MRC1: variants seen among roughly 807,000 people sequenced by gnomAD.
MRC1 encodes the protein macrophage mannose receptor 1.
MRC1 carries 62 observed loss-of-function variants against 102.9 expected under a neutral mutation model. That is an observed-to-expected ratio of 0.60 (90% CI 0.49 to 0.74). MRC1 has a LOEUF of 0.74. Ranked by LOEUF, MRC1 falls within the 30% of genes least tolerant of loss-of-function variation. MRC1 has a pLI of 0.00. For synonymous variants in MRC1, 457 were observed against 298.4 expected, an observed-to-expected ratio of 1.53 and a Z score of -5.48; for missense variants, 1,237 against 862.8, an observed-to-expected ratio of 1.43 and a Z score of -5.43.
At chr10:17,849,336 A>T (rs1324992674) in intron 6 of MRC1, among the ~76,000 whole-genome samples, 15 of 151,050 alleles carry the variant, frequency 9.9e-5, no homozygotes, top group Non-Finnish European at 2.1e-4. Flanking sequence ...AAGAAAGTTG[A>T]TAAGGTGATT....
At chr10:17,835,895 G>A (rs1269469160) in intron 4 of MRC1, among the ~76,000 whole-genome samples, 2 of 152,214 alleles carry the variant, frequency 1.3e-5, no homozygotes, top group Admixed American at 6.5e-5. Flanking sequence ...ACTCCTGGGT[G>A]ATTCTGGGGC....
chr10:17,889,727 A>G (rs914648303), intron 22 of MRC1, among the ~76,000 whole-genome samples: 2 of 152,320 alleles, frequency 1.3e-5, no homozygotes, highest in African/African-American at 2.4e-5. Context: ...TCACTTATCC[A>G]TAAGCTATTA....
Position 17,905,761 on chromosome 10 carries a change from T to A in MRC1, c.3800-1125T>A, listed in dbSNP as rs1278984115. 6.6e-5 allele frequency among the ~76,000 whole-genome samples: 10 copies of A among 152,300 alleles called. 1 individual carries two copies. The East Asian group carries it at 1.9e-3, about 29-fold the overall frequency. Reference sequence around the variant, plus strand: ...CAGGCATATGGTTAGGTACGGACCCTCAAGGTTCAGAAAGCCTGGGTCATA... The same window carrying A: ...CAGGCATATGGTTAGGTACGGACCCACAAGGTTCAGAAAGCCTGGGTCATA... On this transcript the variant is annotated intron_variant, in intron 26 of 29. Coordinates refer to ENST00000569591, the MANE Select transcript of MRC1 (RefSeq NM_002438.4).
At chr10:17,867,399 T>C (rs1262856831) in intron 12 of MRC1, among the ~76,000 whole-genome samples, 1 of 128,764 alleles carries the variant, frequency 7.8e-6, no homozygotes, top group Non-Finnish European at 1.7e-5. Context: ...CTTCTTCTCC[T>C]TCTTCTTCTT....
chr10:17,832,353 G>A (rs1838587436), intron 3 of MRC1, among the ~76,000 whole-genome samples: 1 of 150,726 alleles, frequency 6.6e-6, no homozygotes, highest in South Asian at 2.1e-4. Context: ...TCAGGAGATC[G>A]AGACCATCCT....
intron 1 of MRC1, 108 bp downstream of exon 1, chr10:17,809,634 A>G: frequency 2.5e-6 from 2 of 815,752 alleles, no homozygotes; most frequent in Non-Finnish European, 4.4e-6. Flanking sequence ...GTGAGGAGGA[A>G]ACGGGGTTCC....
chr10:17,866,831 A>G (rs1192599433), intron 12 of MRC1, 70 bp downstream of exon 12: 8 of 778,542 alleles, frequency 1.0e-5, no homozygotes, highest in South Asian at 2.7e-5. Context: ...ATCTAAGGAC[A>G]TAGAAAACAA....
chr10:17,863,752 C>T (rs2130664360), intron 11 of MRC1, 70 bp downstream of exon 11: 1 of 744,508 alleles, frequency 1.3e-6, no homozygotes, highest in Non-Finnish European at 2.5e-6. Flanking sequence ...TGTTATTCCT[C>T]CGGGTATCTC....
chr10:17,854,016 G>A (rs955915792), intron 8 of MRC1, among the ~76,000 whole-genome samples: 1 of 152,106 alleles, frequency 6.6e-6, no homozygotes, highest in Non-Finnish European at 1.5e-5. Context: ...CACCCAGGCT[G>A]CAGTGCAGTG....
At chr10:17,814,240 A>T (rs1026362835) in intron 1 of MRC1, among the ~76,000 whole-genome samples, 4 of 152,206 alleles carry the variant, frequency 2.6e-5, no homozygotes, top group Non-Finnish European at 5.9e-5. Flanking sequence ...TCTGAGGCTA[A>T]GAAGTAGATA....
At position 17,823,375 on chromosome 10, in the gene MRC1, C is replaced by A. The variant is rs1158563830; in HGVS notation, c.363C>A (p.Asn121Lys). ...AAGATTTATTTTTTAACTACGGCAA[C>A]AGACAAGAAAAGAATATTATGCTCT... ...KGEDLFFNYG[N>K]RQEKNIMLYK... Residue 121 changes from asparagine (N) to lysine (K), a missense_variant, in exon 2 of 30, where the codon AAC becomes AAA. By Grantham distance (94) the Asn-to-Lys change is moderately conservative. Transcript: ENST00000569591. The A allele has an allele frequency of 5.1e-6, 4 of 780,672 alleles. No individual in the cohort carries two copies. In the East Asian group the frequency reaches 9.7e-5, roughly 19 times the overall value. 48.4% of individuals were successfully genotyped at this position (780,672 alleles called of 1,614,324 possible).
At chr10:17,835,304 A>G (rs1838646179) in intron 4 of MRC1, among the ~76,000 whole-genome samples, 1 of 152,212 alleles carries the variant, frequency 6.6e-6, no homozygotes, top group African/African-American at 2.4e-5. Flanking sequence ...ACAACACTAT[A>G]AATACATTAA....
chr10:17,850,494 A>G (rs1838898420), intron 7 of MRC1, among the ~76,000 whole-genome samples: 1 of 152,182 alleles, frequency 6.6e-6, no homozygotes, highest in Non-Finnish European at 1.5e-5. Flanking sequence ...ATAATTAAAA[A>G]TACACAGAAA....
chr10:17,810,667 G>A (rs1838207795), intron 1 of MRC1, among the ~76,000 whole-genome samples: 1 of 152,090 alleles, frequency 6.6e-6, no homozygotes, highest in Non-Finnish European at 1.5e-5. Context: ...GATTCAATGA[G>A]TAACAATATG....
At chr10:17,889,667 G>T (rs1431121645) in intron 22 of MRC1, among the ~76,000 whole-genome samples, 1 of 152,194 alleles carries the variant, frequency 6.6e-6, no homozygotes, top group Non-Finnish European at 1.5e-5. Flanking sequence ...ACATAAGAAA[G>T]CATCTCCTAT....
chr10:17,893,137 T>TTCCC (rs1206626651), intron 22 of MRC1, among the ~76,000 whole-genome samples: 13 of 151,764 alleles, frequency 8.6e-5, no homozygotes, highest in South Asian at 6.3e-4. Flanking sequence ...CAGCCCTTCC[T>TTCCC]TCCCTCCCTC....
At chr10:17,885,720 A>G (rs999501788) in intron 22 of MRC1, among the ~76,000 whole-genome samples, 1 of 152,224 alleles carries the variant, frequency 6.6e-6, no homozygotes, top group Admixed American at 6.5e-5. Context: ...AGAGTTATCA[A>G]CTTTCTTTGT....
At chr10:17,888,259 A>C (rs1384638438) in intron 22 of MRC1, among the ~76,000 whole-genome samples, 1 of 152,184 alleles carries the variant, frequency 6.6e-6, no homozygotes, top group Non-Finnish European at 1.5e-5. Flanking sequence ...AGCCAGGATA[A>C]TGGGGGGTAA....
At chr10:17,904,138 G>GAAATTGT (rs1833866654) in intron 26 of MRC1, among the ~76,000 whole-genome samples, 1 of 152,112 alleles carries the variant, frequency 6.6e-6, no homozygotes, top group Non-Finnish European at 1.5e-5. Context: ...GTTTTACACA[G>GAAATTGT]TTATCTTTCA....
Sources: gnomAD v4.1 joint callset for allele counts (sites outside exome capture counted in the v4.1 genomes callset) on GRCh38, gnomAD v4.1.1 for gene constraint, MANE v1.5 for transcripts, NCBI Gene and HGNC (gene_info 2026-07-23, HGNC 2026-07-21) for gene names.